The following SERINC1 variants were observed in gnomAD, a reference collection of about 807,000 sequenced individuals.
The protein encoded by SERINC1 is tumor differentially expressed protein 2.
Under a neutral mutation model 52.9 loss-of-function variants are expected in SERINC1, and 38 were observed. The observed-to-expected ratio is 0.72, with a 90% CI of 0.55 to 0.94. The LOEUF (loss-of-function observed/expected upper bound fraction) is 0.94, where lower values mean the gene tolerates loss of function less well. Among genes scored for constraint, SERINC1 ranks in the 40% least tolerant of loss-of-function variants. The pLI is 0.00. For missense variants in SERINC1, 471 were observed against 533.9 expected (o/e 0.88, Z 1.16); for synonymous variants, 198 against 183.1 (o/e 1.08, Z -0.66).
At chr6:122,453,032 A>G (rs1040438742) in intron 5 of SERINC1, among the ~76,000 whole-genome samples, 3 of 152,178 alleles carry the variant, frequency 2.0e-5, no homozygotes, top group African/African-American at 7.2e-5. Context: ...ATCAAGCAAT[A>G]CTAAGTTCAC....
chr6:122,455,093 T>C (rs1774973374), intron 3 of SERINC1, among the ~76,000 whole-genome samples: 1 of 152,164 alleles, frequency 6.6e-6, no homozygotes, highest in Non-Finnish European at 1.5e-5. Context: ...TTATTGTCTT[T>C]ATTTGCAGAT....
intron 2 of SERINC1, among the ~76,000 whole-genome samples, chr6:122,457,905 A>T (rs1007470003): frequency 4.6e-5 from 7 of 151,336 alleles, no homozygotes; most frequent in Non-Finnish European, 8.8e-5. Flanking sequence ...CCACAACCTG[A>T]CTCTCTCTAA....
At chr6:122,450,237 C>A (rs935175910) in intron 7 of SERINC1, among the ~76,000 whole-genome samples, 5 of 152,110 alleles carry the variant, frequency 3.3e-5, no homozygotes, top group African/African-American at 4.8e-5. Context: ...CTTTACCATT[C>A]CAAAAATCCT....
At chr6:122,456,401 T>C (rs1774995386) in intron 3 of SERINC1, 80 bp downstream of exon 3, 1 of 880,154 alleles carries the variant, frequency 1.1e-6, no homozygotes, top group Middle Eastern at 2.4e-4. Flanking sequence ...TATTTTACCT[T>C]AAAGTTTCCT....
intron 7 of SERINC1, among the ~76,000 whole-genome samples, chr6:122,450,608 G>A (rs73541131): frequency 1.4e-3 from 212 of 152,276 alleles, no homozygotes; most frequent in African/African-American, 4.9e-3. Flanking sequence ...GGTGGACAAA[G>A]TAAACTGAAA....
At chr6:122,447,034 A>G (rs771407189) in intron 8 of SERINC1, 30 bp from the exon 9 acceptor site, 2 of 1,582,236 alleles carry the variant, frequency 1.3e-6, no homozygotes, top group South Asian at 1.1e-5. Flanking sequence ...GGAGGAGAGA[A>G]AAAAAAGAAC....
chr6:122,449,188 C>A (rs1273001571), intron 7 of SERINC1, among the ~76,000 whole-genome samples: 1 of 152,172 alleles, frequency 6.6e-6, no homozygotes, highest in Admixed American at 6.5e-5. Context: ...AATAACCCTG[C>A]AATGGCCTCT....
Position 122,451,673 on chromosome 6 carries a change from T to C in SERINC1, c.841A>G (p.Asn281Asp), listed in dbSNP as rs747427310. The C allele has an allele frequency of 8.3e-7, 1 of 1,201,252 alleles. No individual in the cohort carries two copies. The highest frequency in any genetic ancestry group is 1.2e-6 in the Non-Finnish European group (1 of 859,738). 74.4% of individuals were successfully genotyped at this position (1,201,252 alleles called of 1,614,324 possible). A position where few individuals can be genotyped will look rare whatever the true frequency, so the allele number is the denominator to read the frequency against. The change falls in exon 7 of 10, where the codon AAT becomes GAT. Residue 281 changes from asparagine to aspartate, a missense_variant. Physicochemically the swap from Asn to Asp is conservative, Grantham distance 23. Coordinates refer to ENST00000339697, the MANE Select transcript of SERINC1 (RefSeq NM_020755.4). ...TATAAATAAAACACACCTGGTTCAT[T>C]GGTCATAGCTGACCATGTCAAATAC... ...TMYLTWSAMT[N>D]EPETNCNPSL...
chr6:122,451,609 T>C, intron 7 of SERINC1, 55 bp downstream of exon 7: 1 of 687,162 alleles, frequency 1.5e-6, no homozygotes, highest in South Asian at 1.8e-5. Flanking sequence ...AGACAATTTC[T>C]GGAAAAACAA....
At position 122,450,971 on chromosome 6, in the gene SERINC1, A is replaced by C. The variant is rs137937322; in HGVS notation, c.850+693T>G. Among the ~76,000 whole-genome samples the C allele has an allele frequency of 2.4e-3, 369 of 152,346 alleles. 1 individual carries two copies. The highest frequency in any genetic ancestry group is 8.7e-3 in the African/African-American group (361 of 41,580). On this transcript the variant is annotated intron_variant, in intron 7 of 9. Transcript: ENST00000339697. Reference sequence around the variant, plus strand: ...TTGAAATGACAGCAAAGGAGTTAGAATATTACATAAACTTACTTAATGAAC... The same window carrying C: ...TTGAAATGACAGCAAAGGAGTTAGACTATTACATAAACTTACTTAATGAAC...
At chr6:122,446,335 A>G (rs896620142) in intron 9 of SERINC1, among the ~76,000 whole-genome samples, 1 of 152,190 alleles carries the variant, frequency 6.6e-6, no homozygotes, top group South Asian at 2.1e-4. Context: ...CTAAGCTTGT[A>G]AAAATTGTGG....
chr6:122,458,940 A>G (rs1775051714), intron 1 of SERINC1, among the ~76,000 whole-genome samples: 1 of 152,178 alleles, frequency 6.6e-6, no homozygotes, highest in African/African-American at 2.4e-5. Flanking sequence ...TAAAACAAAA[A>G]GGGGAAAAAA....
At position 122,451,770 on chromosome 6, in the gene SERINC1, A is replaced by T. The variant is rs375724023; in HGVS notation, c.760-16T>A. ...GTTGTGATTCCTACAAAAAAAAAAA[A>T]AAAAAAATATATATATATATATATA... is the stretch of plus-strand genomic sequence containing the variant. On this transcript the variant is annotated splice_polypyrimidine_tract_variant and intron_variant, in intron 6 of 9. Coordinates refer to ENST00000339697, the MANE Select transcript of SERINC1 (RefSeq NM_020755.4). 7.7e-6 allele frequency: 2 copies of T among 258,362 alleles called. No individual in the cohort carries two copies. The highest frequency in any genetic ancestry group is 1.4e-4 in the East Asian group (1 of 6,918). 16.0% of individuals were successfully genotyped at this position (258,362 alleles called of 1,614,324 possible).
rs1176212515 is a variant in SERINC1, at chr6:122,451,820, T to C, written c.760-66A>G. The C allele has an allele frequency of 1.5e-5, 13 of 839,096 alleles. No individual in the cohort carries two copies. The Middle Eastern group carries it at 1.1e-3, about 72-fold the overall frequency. 52.0% of individuals were successfully genotyped at this position (839,096 alleles called of 1,614,324 possible). A position where few individuals can be genotyped will look rare whatever the true frequency, so the allele number is the denominator to read the frequency against. On this transcript the variant is annotated intron_variant, in intron 6 of 9. Coordinates refer to ENST00000339697, the MANE Select transcript of SERINC1 (RefSeq NM_020755.4). The stretch of plus-strand genomic sequence containing the variant: ...AGCAACACAGGTAAATAGTCTGACA[T>C]CATTCTAGATTTTTGAAAACTTAAA...
In SERINC1 at chr6:122,459,411, C is replaced by T. The variant is rs185528515; in HGVS notation, c.40-730G>A. Among the ~76,000 whole-genome samples the T allele has an allele frequency of 3.8e-3, 584 of 152,240 alleles. 5 individuals are homozygous for T. Among genetic ancestry groups the T allele is most frequent in the African/African-American group, 0.013 (527 of 41,522 alleles). ...TAGAAGGTGGATGAACCAGATCTTC[C>T]AGCCCTAGAATTACAGCTCTAGGGG... On this transcript the variant is annotated intron_variant, in intron 1 of 9. Transcript: ENST00000339697.
Position 122,445,032 on chromosome 6 carries a change from TA to T in SERINC1, c.*11del. The T allele has an allele frequency of 6.2e-7, 1 of 1,608,606 alleles. No individual in the cohort carries two copies. Among genetic ancestry groups the T allele is most frequent in the Middle Eastern group, 1.7e-4 (1 of 6,034 alleles). On this transcript the variant is annotated 3_prime_UTR_variant, in exon 10 of 10. Coordinates refer to ENST00000339697, the MANE Select transcript of SERINC1 (RefSeq NM_020755.4). The stretch of plus-strand genomic sequence containing the variant: ...AATAATCAAAGTGGGACTTTCATGC[TA>T]GAAGTCTCACTCAGTCAAAATCACG...
At position 122,458,153 on chromosome 6, in the gene SERINC1, A is replaced by G. The variant is rs147321915; in HGVS notation, c.201+367T>C. 2.0e-5 allele frequency among the ~76,000 whole-genome samples: 3 copies of G among 152,292 alleles called. No individual in the cohort carries two copies. In the East Asian group the frequency reaches 5.8e-4, roughly 29 times the overall value. Reference sequence around the variant, plus strand: ...TATTAATTGTAAGATTAATCTTCCTAAAGTATAGATACTTTGCTTGAAAAG... The same window carrying G: ...TATTAATTGTAAGATTAATCTTCCTGAAGTATAGATACTTTGCTTGAAAAG... On this transcript the variant is annotated intron_variant, in intron 2 of 9. Transcript: ENST00000339697.
rs975340724 is a variant in SERINC1, at chr6:122,454,073, A to G, written c.451+78T>C. The G allele has an allele frequency of 2.9e-5, 35 of 1,197,262 alleles. No homozygotes were observed. The South Asian group carries it at 4.0e-4, about 14-fold the overall frequency. The allele number at this position is 1,197,262 out of a possible 1,614,324, so 74.2% of individuals were successfully genotyped here. A position where few individuals can be genotyped will look rare whatever the true frequency, so the allele number is the denominator to read the frequency against. On this transcript the variant is annotated intron_variant, in intron 4 of 9. Transcript: ENST00000339697. ...ACACCCCCAAACAAAAAGACAAACA[A>G]TTATAGTTCCAGGTGACAATTATTT... is the stretch of plus-strand genomic sequence containing the variant.
Position 122,451,940 on chromosome 6 carries a change from T to A in SERINC1, c.707A>T (p.Asn236Ile). The A allele has an allele frequency of 6.3e-7, 1 of 1,599,570 alleles. No homozygotes were observed. Among genetic ancestry groups the A allele is most frequent in the Non-Finnish European group, 8.5e-7 (1 of 1,173,742 alleles). Residue 236 changes from asparagine (N) to isoleucine (I), a missense_variant, in exon 6 of 10, where the codon AAC becomes ATC. Coordinates refer to ENST00000339697, the MANE Select transcript of SERINC1 (RefSeq NM_020755.4). ...AGAAGCACCAACGCAGAGGAGCATG[T>A]TGACACTGATGAACGCCTTGTTTTC... ...CSENKAFISV[N>I]MLLCVGASVM...
Sources: gnomAD v4.1 joint callset for allele counts (sites outside exome capture counted in the v4.1 genomes callset) on GRCh38, gnomAD v4.1.1 for gene constraint, MANE v1.5 for transcripts, NCBI Gene and HGNC (gene_info 2026-07-23, HGNC 2026-07-21) for gene names.